BIVM: variants seen among roughly 807,000 people sequenced by gnomAD.
The protein encoded by BIVM is basic, immunoglobulin-like variable motif containing.
In BIVM, 31 loss-of-function variants were observed where a neutral mutation model predicts 61.4. That is an observed-to-expected ratio of 0.51 (90% CI 0.38 to 0.68). BIVM has a LOEUF of 0.68. Among genes scored for constraint, BIVM ranks in the 30% least tolerant of loss-of-function variants. The pLI is 0.00. For synonymous variants in BIVM, 189 were observed against 210.7 expected (o/e 0.90, Z 0.89); for missense variants, 526 against 596.0 (o/e 0.88, Z 1.22).
intron 3 of BIVM, among the ~76,000 whole-genome samples, chr13:102,813,499 A>G (rs1258673158): frequency 6.6e-6 from 1 of 152,140 alleles, no homozygotes; most frequent in Non-Finnish European, 1.5e-5. Flanking sequence ...AGAGCATTTT[A>G]TCTATGTCAT....
At chr13:102,829,505 C>T (rs892395118) in intron 7 of BIVM, among the ~76,000 whole-genome samples, 46 of 152,264 alleles carry the variant, frequency 3.0e-4, no homozygotes, top group African/African-American at 8.7e-4. Context: ...TTCTCATACA[C>T]AGAATTACTT....
intron 1 of BIVM, among the ~76,000 whole-genome samples, chr13:102,803,864 A>G (rs1186632957): frequency 6.6e-6 from 1 of 152,056 alleles, no homozygotes; most frequent in Non-Finnish European, 1.5e-5. Context: ...AATCAGAGCA[A>G]CTCTGTCTTC....
intron 7 of BIVM, among the ~76,000 whole-genome samples, chr13:102,828,358 C>T (rs1880818069): frequency 1.3e-5 from 2 of 152,068 alleles, no homozygotes; most frequent in African/African-American, 2.4e-5. Flanking sequence ...TTGAAAATTG[C>T]ATTTATATTC....
At chr13:102,831,961 C>T (rs548815429) in intron 8 of BIVM, among the ~76,000 whole-genome samples, 2 of 145,734 alleles carry the variant, frequency 1.4e-5, no homozygotes, top group South Asian at 2.3e-4. Flanking sequence ...AGGAGAATGG[C>T]GTGAACCCGG....
At chr13:102,813,267 C>T (rs1212458086) in intron 3 of BIVM, among the ~76,000 whole-genome samples, 1 of 152,122 alleles carries the variant, frequency 6.6e-6, no homozygotes, top group Non-Finnish European at 1.5e-5. Flanking sequence ...AGGCCTTCTT[C>T]CTGAATTGAC....
rs532303115 is a variant in BIVM at position 102,833,327 on chromosome 13, GT to G, written c.1035-1121del. Among the ~76,000 whole-genome samples the G allele has an allele frequency of 6.2e-4, 49 of 79,606 alleles. 3 individuals are homozygous for G. The highest frequency in any genetic ancestry group is 0.012 in the Middle Eastern group (1 of 86). The allele number at this position is 79,606 out of a possible 152,430, so 52.2% of individuals were successfully genotyped here. On this transcript the variant is annotated intron_variant, in intron 8 of 10. Transcript: ENST00000257336. ...TGGCTTGGTCATGGGGATAGGATGG[GT>G]TTTTTTTTTTTTTTTTTGAGACAAG...
At chr13:102,815,953 G>A (rs779366481) in intron 3 of BIVM, among the ~76,000 whole-genome samples, 5 of 152,190 alleles carry the variant, frequency 3.3e-5, no homozygotes, top group Non-Finnish European at 7.3e-5. Flanking sequence ...CACATTAATG[G>A]ATCTGGTGCT....
At chr13:102,815,618 T>C (rs1385723654) in intron 3 of BIVM, among the ~76,000 whole-genome samples, 3 of 152,250 alleles carry the variant, frequency 2.0e-5, no homozygotes, top group Non-Finnish European at 2.9e-5. Flanking sequence ...ACACCTACTA[T>C]GTACTCTCAA....
intron 3 of BIVM, among the ~76,000 whole-genome samples, chr13:102,811,847 T>A (rs1221140675): frequency 2.0e-5 from 3 of 152,246 alleles, no homozygotes; most frequent in African/African-American, 7.2e-5. Context: ...TAACATATAT[T>A]GGTGTGGGTC....
Position 102,821,845 on chromosome 13 carries a change from G to T in BIVM, c.804G>T (p.Met268Ile), listed in dbSNP as rs200740122. The part of the protein sequence containing the change: ...FGPFTGNTTL[M>I]RWFRQINDHF... The stretch of plus-strand genomic sequence containing the variant: ...CTTTCACGGGGAATACAACACTTAT[G>T]AGGTATGAAGACCCTCTTAGAGGCA... Residue 268 changes from methionine to isoleucine, a missense_variant and splice_region_variant, in exon 6 of 11, where the codon ATG becomes ATT. Transcript: ENST00000257336. 6.2e-7 allele frequency: 1 copy of T among 1,612,178 alleles called. No homozygotes were observed. The highest frequency in any genetic ancestry group is 1.3e-5 in the African/African-American group (1 of 74,974).
At chr13:102,838,776 A>C in intron 10 of BIVM, 37 bp downstream of exon 10, 2 of 1,586,248 alleles carry the variant, frequency 1.3e-6, no homozygotes. Flanking sequence ...GGCATTTCCC[A>C]GCTGACCAAA....
At chr13:102,821,257 G>A (rs761086552) in intron 5 of BIVM, 125 bp downstream of exon 5, 31 of 824,920 alleles carry the variant, frequency 3.8e-5, no homozygotes, top group Non-Finnish European at 5.1e-5. Context: ...GTATTTTAGT[G>A]TAAGTCTTTT....
rs369354334 is a variant in BIVM, at chr13:102,834,799, A to G, written c.1121+247A>G. On this transcript the variant is annotated intron_variant, in intron 9 of 10. Coordinates refer to ENST00000257336, the MANE Select transcript of BIVM (RefSeq NM_017693.4). ...TTTGCTTTGCCTCTTCTTGAATTCC[A>G]TGTAAAGAGAATCAGACAATATTAT... is the stretch of plus-strand genomic sequence containing the variant. Among the ~76,000 whole-genome samples the G allele has an allele frequency of 7.9e-5, 12 of 152,324 alleles. No individual in the cohort carries two copies. The East Asian group carries it at 2.1e-3, about 27-fold the overall frequency.
chr13:102,835,023 T>C lies in BIVM; in HGVS notation c.1121+471T>C, dbSNP rs183533762. Among the ~76,000 whole-genome samples the C allele has an allele frequency of 3.7e-4, 56 of 152,312 alleles. No homozygotes were observed. The East Asian group carries it at 8.7e-3, about 24-fold the overall frequency. On this transcript the variant is annotated intron_variant, in intron 9 of 10. Transcript: ENST00000257336. ...TCAATGAAGCTCTTGGGAACATTCATGTACAAGCCTTGAAACAAATTATAT... is the reference window on the plus strand; with the variant it reads ...TCAATGAAGCTCTTGGGAACATTCACGTACAAGCCTTGAAACAAATTATAT...
chr13:102,829,758 G>C (rs1880933369), intron 7 of BIVM, among the ~76,000 whole-genome samples: 1 of 152,226 alleles, frequency 6.6e-6, no homozygotes, highest in South Asian at 2.1e-4. Flanking sequence ...AGGATTGTTT[G>C]AACCGGGGAG....
chr13:102,829,817 C>T (rs58132339), intron 7 of BIVM, among the ~76,000 whole-genome samples: 3,288 of 151,750 alleles, frequency 0.022, 125 homozygotes, highest in African/African-American at 0.075. Context: ...CCAGCCTCGG[C>T]GACAGAGCAA....
intron 4 of BIVM, 125 bp downstream of exon 4, chr13:102,816,679 C>T (rs1879886218): frequency 1.1e-6 from 1 of 919,586 alleles, no homozygotes; most frequent in Admixed American, 4.4e-5. Flanking sequence ...AAATTATTAC[C>T]AGGATTTCTG....
Position 102,840,651 on chromosome 13 carries a change from T to A in BIVM, c.*786T>A, listed in dbSNP as rs1331491627. On this transcript the variant is annotated 3_prime_UTR_variant, in exon 11 of 11. Coordinates refer to ENST00000257336, the MANE Select transcript of BIVM (RefSeq NM_017693.4). ...GTGAGCGGAGATCGCGCCACTGCAC[T>A]CCAGCCTGGGCGACAGGGCAAGACT... The A allele has an allele frequency of 7.8e-6, 1 of 129,032 alleles. No individual in the cohort carries two copies. The highest frequency in any genetic ancestry group is 3.0e-5 in the African/African-American group (1 of 33,196). The allele number at this position is 129,032 out of a possible 1,614,324, so 8.0% of individuals were successfully genotyped here. A position where few individuals can be genotyped will look rare whatever the true frequency, so the allele number is the denominator to read the frequency against.
chr13:102,834,023 C>T (rs751353156), intron 8 of BIVM, among the ~76,000 whole-genome samples: 1 of 152,166 alleles, frequency 6.6e-6, no homozygotes, highest in Non-Finnish European at 1.5e-5. Context: ...TATAAATCCC[C>T]AGGCTCTACT....
Sources: allele counts gnomAD v4.1 joint callset (sites outside exome capture counted in the v4.1 genomes callset), GRCh38; gene constraint gnomAD v4.1.1; transcripts MANE v1.5; gene names NCBI Gene and HGNC (gene_info 2026-07-23, HGNC 2026-07-21).